FILIP1: variants seen among roughly 807,000 people sequenced by gnomAD.
The protein encoded by FILIP1 is filamin-A-interacting protein 1.
A neutral mutation model predicts 102.1 loss-of-function variants in FILIP1; 61 were observed. That is an observed-to-expected ratio of 0.60 (90% confidence interval 0.49 to 0.74). FILIP1 has a LOEUF of 0.74. FILIP1 is among the 30% of genes least tolerant of loss of function. FILIP1 has a pLI of 0.00. For missense variants in FILIP1, 1,314 were observed against 1,441.2 expected (o/e 0.91, Z 1.43); for synonymous variants, 491 against 526.9 (o/e 0.93, Z 0.93).
intron 2 of FILIP1, among the ~76,000 whole-genome samples, chr6:75,382,681 G>A (rs1193665073): frequency 6.6e-6 from 1 of 152,208 alleles, no homozygotes; most frequent in Admixed American, 6.5e-5. Flanking sequence ...GATTTCACAA[G>A]GAAGACCTTC....
At chr6:75,389,728 T>C (rs952346631) in intron 2 of FILIP1, among the ~76,000 whole-genome samples, 3 of 151,878 alleles carry the variant, frequency 2.0e-5, no homozygotes, top group Non-Finnish European at 4.4e-5. Context: ...CTCCCCTTTA[T>C]CATTTTTATT....
chr6:75,483,896 A>C (rs1032520794), intron 1 of FILIP1, among the ~76,000 whole-genome samples: 1 of 152,142 alleles, frequency 6.6e-6, no homozygotes, highest in Admixed American at 6.6e-5. Flanking sequence ...GGGGGAGATG[A>C]ACAATTCCCT....
chr6:75,375,226 T>A (rs1775712769), intron 2 of FILIP1, among the ~76,000 whole-genome samples: 1 of 152,174 alleles, frequency 6.6e-6, no homozygotes, highest in South Asian at 2.1e-4. Context: ...AATTGGTAAA[T>A]TAGAATTCAA....
intron 1 of FILIP1, among the ~76,000 whole-genome samples, chr6:75,486,117 A>C (rs113253266): frequency 0.012 from 1,832 of 152,288 alleles, 21 homozygotes; most frequent in African/African-American, 0.029. Context: ...CTAAATGTTT[A>C]TGACCAAGGT....
intron 2 of FILIP1, among the ~76,000 whole-genome samples, chr6:75,393,783 G>C (rs1776362120): frequency 6.6e-6 from 1 of 152,164 alleles, no homozygotes; most frequent in Non-Finnish European, 1.5e-5. Context: ...CATTTCCCAG[G>C]CTCCTGTACT....
chr6:75,384,614 A>G (rs942274734), intron 2 of FILIP1, among the ~76,000 whole-genome samples: 5 of 152,134 alleles, frequency 3.3e-5, no homozygotes, highest in Non-Finnish European at 5.9e-5. Flanking sequence ...CTAATTGTTC[A>G]TCAAGCCACC....
At chr6:75,487,580 T>C (rs1779827673) in intron 1 of FILIP1, among the ~76,000 whole-genome samples, 1 of 151,986 alleles carries the variant, frequency 6.6e-6, no homozygotes, top group South Asian at 2.1e-4. Flanking sequence ...GAAAACCTAA[T>C]TTTTGCATAG....
intron 1 of FILIP1, chr6:75,454,045 C>A (rs1778735125): frequency 2.2e-6 from 1 of 456,176 alleles, no homozygotes; most frequent in South Asian, 1.6e-5. Context: ...GATCAGAAGT[C>A]CAGATACAGC....
At chr6:75,348,973 A>C (rs1774691273) in intron 4 of FILIP1, among the ~76,000 whole-genome samples, 1 of 152,232 alleles carries the variant, frequency 6.6e-6, no homozygotes. Flanking sequence ...GGGAACCTAC[A>C]CACAAAAATG....
At chr6:75,462,384 G>A (rs1232676322) in intron 1 of FILIP1, among the ~76,000 whole-genome samples, 9 of 152,072 alleles carry the variant, frequency 5.9e-5, no homozygotes, top group Admixed American at 5.9e-4. Context: ...GCAGCGGAGA[G>A]GCTGCACAAC....
intron 2 of FILIP1, among the ~76,000 whole-genome samples, chr6:75,396,128 T>G (rs567901980): frequency 6.6e-6 from 1 of 151,806 alleles, no homozygotes; most frequent in African/African-American, 2.4e-5. Flanking sequence ...CCCAACATTA[T>G]TTAAGATGGG....
At chr6:75,385,372 C>A (rs1231389607) in intron 2 of FILIP1, among the ~76,000 whole-genome samples, 1 of 152,114 alleles carries the variant, frequency 6.6e-6, no homozygotes, top group Non-Finnish European at 1.5e-5. Flanking sequence ...ATTGGGCGCA[C>A]TTGAAGGAGT....
chr6:75,429,375 C>G (rs1405078267), intron 1 of FILIP1, among the ~76,000 whole-genome samples: 1 of 152,142 alleles, frequency 6.6e-6, no homozygotes, highest in Non-Finnish European at 1.5e-5. Flanking sequence ...AATTGTCCAA[C>G]AAGAAGAAGC....
chr6:75,350,507 G>A (rs1242146473), intron 4 of FILIP1, among the ~76,000 whole-genome samples: 2 of 151,480 alleles, frequency 1.3e-5, no homozygotes, highest in East Asian at 1.9e-4. Flanking sequence ...ATGAGAGAGG[G>A]GATTAAAATT....
chr6:75,372,307 C>T (rs930071927), intron 2 of FILIP1, among the ~76,000 whole-genome samples: 1 of 142,242 alleles, frequency 7.0e-6, no homozygotes, highest in African/African-American at 2.6e-5. Context: ...GTGGAGGTTG[C>T]GATGAGCTGA....
intron 1 of FILIP1, among the ~76,000 whole-genome samples, chr6:75,443,373 A>G (rs1236288203): frequency 2.0e-5 from 3 of 152,246 alleles, no homozygotes; most frequent in Admixed American, 1.3e-4. Context: ...CAATTTTAAA[A>G]TGCATTTCAA....
chr6:75,371,949 C>T (rs1775534461), intron 2 of FILIP1, among the ~76,000 whole-genome samples: 14 of 152,190 alleles, frequency 9.2e-5, no homozygotes, highest in Admixed American at 9.2e-4. Flanking sequence ...AAAAGAAAAA[C>T]ATATAAATTG....
chr6:75,411,653 C>T (rs1189521985), intron 2 of FILIP1, among the ~76,000 whole-genome samples: 1 of 152,152 alleles, frequency 6.6e-6, no homozygotes. Flanking sequence ...GTTTTCCCAA[C>T]ACCATTTATT....
intron 2 of FILIP1, among the ~76,000 whole-genome samples, chr6:75,396,575 A>C (rs1776468033): frequency 6.6e-6 from 1 of 152,170 alleles, no homozygotes; most frequent in African/African-American, 2.4e-5. Context: ...ATAATAAATA[A>C]GAATGGCGAG....
Sources: allele counts gnomAD v4.1 joint callset (sites outside exome capture counted in the v4.1 genomes callset), GRCh38; gene constraint gnomAD v4.1.1; transcripts MANE v1.5; gene names NCBI Gene and HGNC (gene_info 2026-07-23, HGNC 2026-07-21).